The following LUZP2 variants were observed in gnomAD, a reference collection of about 807,000 sequenced individuals.
LUZP2 encodes leucine zipper protein 2.
Under a neutral mutation model 51.6 loss-of-function variants are expected in LUZP2, and 52 were observed. The observed-to-expected ratio is 1.01, with a 90% CI of 0.81 to 1.27. LUZP2 has a LOEUF of 1.27. LUZP2 is among the 50% of genes most tolerant of loss of function. LUZP2 has a pLI of 0.00. For synonymous variants in LUZP2, 154 were observed against 137.3 expected (o/e 1.12, Z -0.85); for missense variants, 436 against 395.4 (o/e 1.10, Z -0.87).
chr11:24,828,020 C>T (rs10500991), intron 5 of LUZP2, among the ~76,000 whole-genome samples: 15,647 of 117,938 alleles, frequency 0.13, 1,062 homozygotes, highest in Admixed American at 0.23. Flanking sequence ...GCTCCACAAA[C>T]TTTAGGAGAA....
At chr11:24,830,121 C>T (rs1850656079) in intron 5 of LUZP2, among the ~76,000 whole-genome samples, 1 of 150,698 alleles carries the variant, frequency 6.6e-6, no homozygotes, top group African/African-American at 2.4e-5. Context: ...AAAAAAAACG[C>T]TTAAAGCCTT....
intron 1 of LUZP2, among the ~76,000 whole-genome samples, chr11:24,609,980 G>T (rs1332632478): frequency 6.6e-6 from 1 of 152,096 alleles, no homozygotes; most frequent in Non-Finnish European, 1.5e-5. Context: ...CAATCAGCTG[G>T]CAATTAGCCA....
intron 5 of LUZP2, among the ~76,000 whole-genome samples, chr11:24,895,185 A>G (rs548897278): frequency 6.6e-6 from 1 of 152,298 alleles, no homozygotes; most frequent in South Asian, 2.1e-4. Flanking sequence ...ACCCTGAAAC[A>G]AATGTGCTAA....
intron 1 of LUZP2, among the ~76,000 whole-genome samples, chr11:24,586,041 C>T (rs951430391): frequency 6.6e-6 from 1 of 152,046 alleles, no homozygotes; most frequent in African/African-American, 2.4e-5. Flanking sequence ...CTCAATCCAA[C>T]AGTATTAGCT....
intron 4 of LUZP2, chr11:24,751,582 T>G (rs1859589636): frequency 1.0e-6 from 1 of 982,868 alleles, no homozygotes; most frequent in South Asian, 4.7e-5. Flanking sequence ...CCCATCTCCC[T>G]TAGATCCCCT....
chr11:24,557,167 G>T (rs1488822327), intron 1 of LUZP2, among the ~76,000 whole-genome samples: 1 of 151,952 alleles, frequency 6.6e-6, no homozygotes, highest in African/African-American at 2.4e-5. Context: ...GTCTTTATTT[G>T]CCTTCACACT....
chr11:25,007,902 T>C (rs1019466756), intron 9 of LUZP2, among the ~76,000 whole-genome samples: 62 of 152,320 alleles, frequency 4.1e-4, no homozygotes, highest in African/African-American at 1.4e-3. Context: ...ATTACTATAA[T>C]TTATGTTGTA....
intron 1 of LUZP2, among the ~76,000 whole-genome samples, chr11:24,604,742 A>G (rs1853856088): frequency 6.6e-6 from 1 of 151,640 alleles, no homozygotes; most frequent in South Asian, 2.1e-4. Context: ...GTAACCTTAC[A>G]TTTTTCTCAG....
chr11:24,696,978 C>T (rs1341115011), intron 1 of LUZP2, among the ~76,000 whole-genome samples: 1 of 151,940 alleles, frequency 6.6e-6, no homozygotes, highest in Non-Finnish European at 1.5e-5. Context: ...AACCTGTTAC[C>T]TTGGGTTTGG....
chr11:24,734,120 ATTCAGGG>A (rs1858836071), intron 3 of LUZP2, among the ~76,000 whole-genome samples: 1 of 151,784 alleles, frequency 6.6e-6, no homozygotes, highest in African/African-American at 2.4e-5. Flanking sequence ...TGTCAAACCC[ATTCAGGG>A]TAGAAAGAAA....
intron 6 of LUZP2, among the ~76,000 whole-genome samples, chr11:24,912,241 C>CT (rs1249171599): frequency 5.1e-4 from 76 of 148,532 alleles, no homozygotes; most frequent in African/African-American, 1.8e-3. Context: ...GTCTCCTTTT[C>CT]TTTTTTTTTA....
At chr11:24,912,869 C>T (rs901510236) in intron 6 of LUZP2, among the ~76,000 whole-genome samples, 2 of 152,078 alleles carry the variant, frequency 1.3e-5, no homozygotes, top group African/African-American at 4.8e-5. Context: ...GCAGTTGGTT[C>T]AGTGGAAAAC....
intron 9 of LUZP2, among the ~76,000 whole-genome samples, chr11:25,038,343 A>T (rs1489187230): frequency 6.6e-6 from 1 of 152,204 alleles, no homozygotes; most frequent in Non-Finnish European, 1.5e-5. Flanking sequence ...TACCAGGCAT[A>T]CCTGCTACCA....
chr11:24,725,353 G>A (rs186693594), intron 1 of LUZP2, among the ~76,000 whole-genome samples: 293 of 152,160 alleles, frequency 1.9e-3, no homozygotes, highest in African/African-American at 6.7e-3. Context: ...GTATCCAATC[G>A]TGTTAGGACA....
At chr11:24,529,750 A>G (rs866781292) in intron 1 of LUZP2, among the ~76,000 whole-genome samples, 1 of 151,164 alleles carries the variant, frequency 6.6e-6, no homozygotes, top group African/African-American at 2.4e-5. Context: ...GTTAGCCTAT[A>G]ATACAAAATT....
At chr11:24,874,797 A>C (rs1005787709) in intron 5 of LUZP2, among the ~76,000 whole-genome samples, 1 of 152,116 alleles carries the variant, frequency 6.6e-6, no homozygotes, top group Non-Finnish European at 1.5e-5. Flanking sequence ...AAAATGTGTT[A>C]TTTACCCCTT....
chr11:25,007,097 T>C (rs936655399), intron 9 of LUZP2, among the ~76,000 whole-genome samples: 16 of 152,162 alleles, frequency 1.1e-4, no homozygotes, highest in Non-Finnish European at 2.1e-4. Context: ...GGTGCATTTT[T>C]ACAGAGTGCT....
intron 5 of LUZP2, among the ~76,000 whole-genome samples, chr11:24,794,829 T>A (rs995532908): frequency 6.6e-6 from 1 of 152,116 alleles, no homozygotes; most frequent in Non-Finnish European, 1.5e-5. Context: ...TACCATATCA[T>A]CAATCAAATA....
chr11:24,559,697 A>G (rs2133768545), intron 1 of LUZP2, among the ~76,000 whole-genome samples: 2 of 152,318 alleles, frequency 1.3e-5, no homozygotes, highest in Admixed American at 1.3e-4. Flanking sequence ...ATGAATATGG[A>G]AAGTCAAAAT....
Sources: gnomAD v4.1 joint callset for allele counts (sites outside exome capture counted in the v4.1 genomes callset) on GRCh38, gnomAD v4.1.1 for gene constraint, MANE v1.5 for transcripts, NCBI Gene and HGNC (gene_info 2026-07-23, HGNC 2026-07-21) for gene names.